The following KCNIP1 variants were observed in gnomAD, a reference collection of about 807,000 sequenced individuals.
KCNIP1 encodes potassium voltage-gated channel interacting protein 1.
KCNIP1 carries 18 observed loss-of-function variants against 33.0 expected under a neutral mutation model. The observed-to-expected ratio is 0.55, with a 90% CI of 0.38 to 0.81. KCNIP1 has a LOEUF of 0.81. KCNIP1 is among the 30% of genes least tolerant of loss of function. The pLI is 0.00. For synonymous variants in KCNIP1, 93 were observed against 98.3 expected (o/e 0.95, Z 0.32); for missense variants, 238 against 271.6 (o/e 0.88, Z 0.87).
At chr5:170,519,266 C>T (rs145403529) in intron 1 of KCNIP1, among the ~76,000 whole-genome samples, 265 of 152,230 alleles carry the variant, frequency 1.7e-3, no homozygotes, top group Admixed American at 2.9e-3. Context: ...ACATGTGTGG[C>T]TTGGATTCAC....
In KCNIP1 at chr5:170,736,585, T is replaced by G. The variant is rs1005884009; in HGVS notation, c.*779T>G. ...AGAATGCCTGCAAATTGCTGTAATT[T>G]TATACCATGTTCTAACCAATAAACA... On this transcript the variant is annotated 3_prime_UTR_variant, in exon 8 of 8. Transcript: ENST00000328939. The G allele has an allele frequency of 6.6e-6, 1 of 152,196 alleles. No homozygotes were observed. The highest frequency in any genetic ancestry group is 6.5e-5 in the Admixed American group (1 of 15,284). 9.4% of individuals were successfully genotyped at this position (152,196 alleles called of 1,614,324 possible). A position where few individuals can be genotyped will look rare whatever the true frequency, so the allele number is the denominator to read the frequency against.
At chr5:170,671,211 A>G (rs1278234723) in intron 1 of KCNIP1, among the ~76,000 whole-genome samples, 1 of 152,088 alleles carries the variant, frequency 6.6e-6, no homozygotes, top group Admixed American at 6.5e-5. Context: ...AATCCTTAAC[A>G]CGGTCTACAA....
intron 5 of KCNIP1, 87 bp from the exon 6 acceptor site, chr5:170,732,712 AG>A: frequency 3.7e-6 from 3 of 800,598 alleles, no homozygotes; most frequent in Admixed American, 1.9e-5. Flanking sequence ...TTCATTGCCA[AG>A]GGGCACAAGG....
At chr5:170,661,855 G>A (rs569746094) in intron 1 of KCNIP1, among the ~76,000 whole-genome samples, 1 of 152,312 alleles carries the variant, frequency 6.6e-6, no homozygotes, top group South Asian at 2.1e-4. Flanking sequence ...ACCTGTCCCG[G>A]AGGAGCTCAC....
chr5:170,702,549 T>C (rs1486034652), intron 1 of KCNIP1, among the ~76,000 whole-genome samples: 4 of 152,102 alleles, frequency 2.6e-5, no homozygotes, highest in Non-Finnish European at 4.4e-5. Flanking sequence ...TTTGGTGTCT[T>C]CCCTCCTGCC....
chr5:170,434,180 G>A (rs921436485), intron 1 of KCNIP1, among the ~76,000 whole-genome samples: 4 of 152,100 alleles, frequency 2.6e-5, no homozygotes, highest in African/African-American at 4.8e-5. Context: ...TCTATAACAT[G>A]GGAATAATAT....
At chr5:170,498,841 T>C (rs542837095) in intron 1 of KCNIP1, among the ~76,000 whole-genome samples, 1 of 152,344 alleles carries the variant, frequency 6.6e-6, no homozygotes, top group Admixed American at 6.5e-5. Flanking sequence ...ATTGGGTTCA[T>C]GTTTCACAGA....
At chr5:170,705,333 A>C (rs566936588) in intron 1 of KCNIP1, among the ~76,000 whole-genome samples, 1 of 152,198 alleles carries the variant, frequency 6.6e-6, no homozygotes, top group Non-Finnish European at 1.5e-5. Flanking sequence ...GCGGATATAC[A>C]TTCTCAGATG....
At chr5:170,566,651 C>G (rs551905210) in intron 1 of KCNIP1, among the ~76,000 whole-genome samples, 1 of 152,262 alleles carries the variant, frequency 6.6e-6, no homozygotes, top group African/African-American at 2.4e-5. Flanking sequence ...GCATTGGTTT[C>G]TGTCTTAGAG....
intron 1 of KCNIP1, among the ~76,000 whole-genome samples, chr5:170,679,723 GTT>G (rs33955018): frequency 6.9e-6 from 1 of 144,160 alleles, no homozygotes; most frequent in Non-Finnish European, 1.5e-5. Context: ...AACTTAGGGT[GTT>G]TTTTTTTTCA....
Position 170,612,869 on chromosome 5 carries a change from A to G in KCNIP1, c.62-105889A>G, listed in dbSNP as rs142179650. Among the ~76,000 whole-genome samples the G allele has an allele frequency of 5.9e-5, 9 of 152,094 alleles. No individual in the cohort carries two copies. In the East Asian group the frequency reaches 1.7e-3, roughly 29 times the overall value. ...TCTAGTGGACTCCTCACCCCCTCCC[A>G]AGACCCAGTCAATCTATAGGGCCCG... On this transcript the variant is annotated intron_variant, in intron 1 of 7. Transcript: ENST00000328939.
At chr5:170,418,850 A>G (rs972428090) in intron 1 of KCNIP1, among the ~76,000 whole-genome samples, 4 of 152,194 alleles carry the variant, frequency 2.6e-5, no homozygotes, top group African/African-American at 9.6e-5. Context: ...CAAGTTCCTC[A>G]ACCCTGGCTT....
chr5:170,508,691 A>AT (rs2113254927), intron 1 of KCNIP1, among the ~76,000 whole-genome samples: 1 of 152,242 alleles, frequency 6.6e-6, no homozygotes, highest in African/African-American at 2.4e-5. Context: ...CTTTAATTCT[A>AT]TAATGCTCTC....
intron 1 of KCNIP1, chr5:170,375,958 C>T (rs1763984896): frequency 6.6e-6 from 1 of 152,162 alleles, no homozygotes; most frequent in Non-Finnish European, 1.5e-5. Flanking sequence ...GTGCACATCC[C>T]AAGTCCACAT....
At chr5:170,653,186 A>T (rs1216677113) in intron 1 of KCNIP1, among the ~76,000 whole-genome samples, 2 of 152,172 alleles carry the variant, frequency 1.3e-5, no homozygotes, top group East Asian at 3.9e-4. Flanking sequence ...AGTATGAGCC[A>T]AGAGGGATGG....
At chr5:170,703,633 T>C (rs1344494448) in intron 1 of KCNIP1, among the ~76,000 whole-genome samples, 1 of 136,708 alleles carries the variant, frequency 7.3e-6, no homozygotes, top group Admixed American at 8.0e-5. Context: ...ATTTAAAAAA[T>C]AAAAGAAGTG....
chr5:170,626,874 G>GGATCCAT (rs56811019), intron 1 of KCNIP1, among the ~76,000 whole-genome samples: 1 of 151,410 alleles, frequency 6.6e-6, no homozygotes, highest in East Asian at 2.0e-4. Flanking sequence ...GTGGGCAGCA[G>GGATCCAT]GCCTTCTCAA....
At chr5:170,379,185 G>A (rs1390782879) in intron 1 of KCNIP1, among the ~76,000 whole-genome samples, 1 of 151,598 alleles carries the variant, frequency 6.6e-6, no homozygotes, top group African/African-American at 2.4e-5. Context: ...TGCTGGAGCT[G>A]CTCGGGGTAC....
chr5:170,716,098 G>T lies in KCNIP1; in HGVS notation c.62-2660G>T, dbSNP rs554547779. Among the ~76,000 whole-genome samples, 5 of 152,334 alleles carry T rather than the reference G, an allele frequency of 3.3e-5. No homozygotes were observed. The East Asian group carries it at 9.6e-4, about 29-fold the overall frequency. The stretch of plus-strand genomic sequence containing the variant: ...AGCACCACAAGGCATACAAAGAAAG[G>T]GAAGGGAGAGCTGATGTGAGAGCGG... On this transcript the variant is annotated intron_variant, in intron 1 of 7. Coordinates refer to ENST00000328939, the MANE Select transcript of KCNIP1 (RefSeq NM_014592.4).
Sources: allele counts gnomAD v4.1 joint callset (sites outside exome capture counted in the v4.1 genomes callset), GRCh38; gene constraint gnomAD v4.1.1; transcripts MANE v1.5; gene names NCBI Gene and HGNC (gene_info 2026-07-23, HGNC 2026-07-21).